The following PTPRN2 variants were observed in gnomAD, a reference collection of about 807,000 sequenced individuals.
The protein encoded by PTPRN2 is receptor-type tyrosine-protein phosphatase N2.
Under a neutral mutation model 118.8 loss-of-function variants are expected in PTPRN2, and 74 were observed. The observed-to-expected ratio is 0.62, with a 90% CI of 0.52 to 0.76. The LOEUF is 0.76. Ranked by LOEUF, PTPRN2 falls within the 30% of genes least tolerant of loss-of-function variation. The pLI, the probability that PTPRN2 is intolerant of heterozygous loss-of-function variation, is 0.00. For missense variants in PTPRN2, 1,481 were observed against 1,394.4 expected (o/e 1.06, Z -0.99); for synonymous variants, 641 against 608.0 (o/e 1.05, Z -0.80).
At chr7:158,532,050 T>G (rs960059649) in intron 1 of PTPRN2, among the ~76,000 whole-genome samples, 3 of 152,120 alleles carry the variant, frequency 2.0e-5, no homozygotes, top group African/African-American at 7.2e-5. Flanking sequence ...TTAGAATAGG[T>G]TTTTGCCACA....
intron 2 of PTPRN2, among the ~76,000 whole-genome samples, chr7:158,376,650 G>A (rs573388385): frequency 1.0e-4 from 11 of 109,342 alleles, no homozygotes; most frequent in Admixed American, 3.9e-4. Flanking sequence ...CCTGTCACAC[G>A]TCCTGCATGC....
At chr7:157,654,245 G>A (rs1422802100) in intron 14 of PTPRN2, among the ~76,000 whole-genome samples, 21 of 66,396 alleles carry the variant, frequency 3.2e-4, no homozygotes, top group Non-Finnish European at 3.9e-4. Flanking sequence ...GACTCCGCAC[G>A]ATGCCCACCA....
At chr7:158,459,692 C>T (rs1356110336) in intron 2 of PTPRN2, among the ~76,000 whole-genome samples, 1 of 152,192 alleles carries the variant, frequency 6.6e-6, no homozygotes, top group Non-Finnish European at 1.5e-5. Context: ...GGTGCTGGGC[C>T]CTGCCGTTTC....
intron 11 of PTPRN2, among the ~76,000 whole-genome samples, chr7:157,997,719 G>A (rs1395702611): frequency 6.7e-6 from 1 of 149,866 alleles, no homozygotes; most frequent in Non-Finnish European, 1.5e-5. Flanking sequence ...GGAGGGGCAG[G>A]CAGAGACCAG....
chr7:158,483,324 C>G lies in PTPRN2; in HGVS notation c.163+6411G>C, dbSNP rs79725364. ...TTATTTGAGGGCTATGGGGGTGTCT[C>G]TTGTGCCATGAAAGCATGATTCATT... On this transcript the variant is annotated intron_variant, in intron 2 of 22. Coordinates refer to ENST00000389418, the MANE Select transcript of PTPRN2 (RefSeq NM_002847.5). 3.6e-3 allele frequency among the ~76,000 whole-genome samples: 541 copies of G among 152,330 alleles called. 15 individuals are homozygous for G. In the South Asian group the frequency reaches 0.051, roughly 14 times the overall value.
intron 3 of PTPRN2, among the ~76,000 whole-genome samples, chr7:158,285,832 G>T (rs1179790524): frequency 6.6e-6 from 1 of 152,166 alleles, no homozygotes; most frequent in Non-Finnish European, 1.5e-5. Context: ...TCTGAGCTAG[G>T]GAAGTAGAGA....
intron 3 of PTPRN2, among the ~76,000 whole-genome samples, chr7:158,267,087 G>A (rs776539786): frequency 4.6e-5 from 7 of 152,224 alleles, no homozygotes; most frequent in South Asian, 2.1e-4. Context: ...CCCCACACCC[G>A]CGGCAGGTCC....
Position 157,955,971 on chromosome 7 carries a change from A to G in PTPRN2, c.1724-57234T>C, listed in dbSNP as rs188816882. On this transcript the variant is annotated intron_variant, in intron 11 of 22. Coordinates refer to ENST00000389418, the MANE Select transcript of PTPRN2 (RefSeq NM_002847.5). ...AGGAACCCAGGAGACCAAGGGAGAA[A>G]CCCGCACATTCTGACAGGTGCGTTT... 2.6e-3 allele frequency among the ~76,000 whole-genome samples: 396 copies of G among 152,264 alleles called. 2 individuals are homozygous for G. Among genetic ancestry groups the G allele is most frequent in the African/African-American group, 8.7e-3 (361 of 41,552 alleles).
At position 158,555,329 on chromosome 7, in the gene PTPRN2, G is replaced by A. The variant is rs1278511348; in HGVS notation, c.112+32229C>T. 1.3e-5 allele frequency among the ~76,000 whole-genome samples: 2 copies of A among 152,188 alleles called. No homozygotes were observed. ...CAGTCAGGTCCTTCCAGGAGAAGGC[G>A]GCACCAAGCCCAGCGTCGAACGAAG... On this transcript the variant is annotated intron_variant, in intron 1 of 22. Coordinates refer to ENST00000389418, the MANE Select transcript of PTPRN2 (RefSeq NM_002847.5). The surrounding 1 kb of genome is among the most constrained non-coding windows in gnomAD (Gnocchi z 4.7).
intron 2 of PTPRN2, among the ~76,000 whole-genome samples, chr7:158,481,686 A>T (rs1820652877): frequency 6.6e-6 from 1 of 151,036 alleles, no homozygotes; most frequent in African/African-American, 2.4e-5. Flanking sequence ...CTGGTCTTGA[A>T]CTCCTGACCT....
chr7:158,281,213 G>A (rs771971626), intron 3 of PTPRN2, among the ~76,000 whole-genome samples: 91 of 152,218 alleles, frequency 6.0e-4, no homozygotes, highest in African/African-American at 1.1e-3. Flanking sequence ...CACTTGAACC[G>A]GGGAGGCAGA....
intron 1 of PTPRN2, among the ~76,000 whole-genome samples, chr7:158,560,426 G>T (rs956298565): frequency 6.6e-6 from 1 of 152,256 alleles, no homozygotes; most frequent in African/African-American, 2.4e-5. Context: ...TTTTGGCCTC[G>T]CTAGGGGACA....
At chr7:158,264,681 A>AGCCG (rs1563058042) in intron 3 of PTPRN2, among the ~76,000 whole-genome samples, 9 of 152,060 alleles carry the variant, frequency 5.9e-5, no homozygotes, top group Admixed American at 2.6e-4. Flanking sequence ...GCCGGGAGCC[A>AGCCG]GGAGCCGTGG....
At chr7:157,992,993 G>A (rs899528556) in intron 11 of PTPRN2, among the ~76,000 whole-genome samples, 3 of 152,232 alleles carry the variant, frequency 2.0e-5, no homozygotes, top group Non-Finnish European at 2.9e-5. Context: ...TGGAGCCCCC[G>A]TCTTACTGGG....
At chr7:157,790,072 GT>G (rs1804365626) in intron 12 of PTPRN2, among the ~76,000 whole-genome samples, 2 of 131,594 alleles carry the variant, frequency 1.5e-5, no homozygotes, top group African/African-American at 5.9e-5. Flanking sequence ...AATGTGTGGT[GT>G]GTGTGTGTGG....
chr7:158,542,130 CCTT>C (rs1353716154), intron 1 of PTPRN2, among the ~76,000 whole-genome samples: 2 of 152,076 alleles, frequency 1.3e-5, no homozygotes, highest in Non-Finnish European at 2.9e-5. Flanking sequence ...CAAACCAGCC[CCTT>C]CTTTTTTTGT....
At chr7:158,248,240 G>A (rs999291364) in intron 3 of PTPRN2, among the ~76,000 whole-genome samples, 3 of 152,158 alleles carry the variant, frequency 2.0e-5, no homozygotes, top group Non-Finnish European at 4.4e-5. Flanking sequence ...GGAGGCAAAT[G>A]TCAGAGGAGA....
intron 3 of PTPRN2, among the ~76,000 whole-genome samples, chr7:158,263,465 A>T (rs1797671944): frequency 6.6e-6 from 1 of 152,190 alleles, no homozygotes; most frequent in Admixed American, 6.5e-5. Context: ...TCTTCTCCCG[A>T]CCGCATCCCA....
chr7:158,116,224 T>G (rs1045026645), intron 9 of PTPRN2, among the ~76,000 whole-genome samples: 2 of 152,224 alleles, frequency 1.3e-5, no homozygotes, highest in Non-Finnish European at 2.9e-5. Flanking sequence ...ATGTAAACTA[T>G]TAAATGAACC....
Sources: gnomAD v4.1 joint callset for allele counts (sites outside exome capture counted in the v4.1 genomes callset) on GRCh38, gnomAD v4.1.1 for gene constraint, Gnocchi (gnomAD v3.1) non-coding constraint, MANE v1.5 for transcripts, NCBI Gene and HGNC (gene_info 2026-07-23, HGNC 2026-07-21) for gene names.